RAB38: variants seen among roughly 807,000 people sequenced by gnomAD.
RAB38 encodes the protein ras-related protein Rab-38.
In RAB38, 15 loss-of-function variants were observed where a neutral mutation model predicts 18.4. That is an observed-to-expected ratio of 0.82 (90% CI 0.55 to 1.26). RAB38 has a LOEUF of 1.26. Ranked by LOEUF, RAB38 falls within the 50% of genes most tolerant of loss-of-function variation. The pLI is 0.00. For synonymous variants in RAB38, 101 were observed against 104.4 expected, an observed-to-expected ratio of 0.97 and a Z score of 0.20; for missense variants, 294 against 267.4, an observed-to-expected ratio of 1.10 and a Z score of -0.69.
chr11:87,846,662 CAAAG>C, the RAB38 span, among the ~76,000 whole-genome samples: 396 of 152,060 alleles, frequency 2.6e-3, 12 homozygotes, highest in Admixed American at 0.024. Context: ...TCAGTAAAGA[CAAAG>C]AAGATCTCAA....
At chr11:87,977,950 A>G in the RAB38 span, among the ~76,000 whole-genome samples, 10,240 of 108,538 alleles carry the variant, frequency 0.094, 1,141 homozygotes, top group East Asian at 0.33. Flanking sequence ...ATATATTAAT[A>G]TAATATATAA....
chr11:88,047,630 T>C, the RAB38 span, among the ~76,000 whole-genome samples: 4,519 of 152,320 alleles, frequency 0.03, 77 homozygotes, highest in Non-Finnish European at 0.048. Flanking sequence ...CCTCTATCAT[T>C]AATGCCTCTT....
At chr11:88,076,826 G>A in the RAB38 span, among the ~76,000 whole-genome samples, 2 of 149,880 alleles carry the variant, frequency 1.3e-5, no homozygotes, top group South Asian at 4.2e-4. Context: ...GGGAGTGGTT[G>A]TGCAAGCCTA....
At chr11:87,923,204 G>T in the RAB38 span, among the ~76,000 whole-genome samples, 14 of 151,936 alleles carry the variant, frequency 9.2e-5, no homozygotes, top group South Asian at 2.1e-3. Flanking sequence ...AGTTATATTT[G>T]CTACTTTGTT....
chr11:88,015,929 T>C, the RAB38 span, among the ~76,000 whole-genome samples: 1 of 152,140 alleles, frequency 6.6e-6, no homozygotes, highest in Admixed American at 6.6e-5. Context: ...GCATCAGAGA[T>C]AGAGATCCTT....
At chr11:88,139,861 A>G (rs929524399) in intron 2 of RAB38, among the ~76,000 whole-genome samples, 1 of 152,232 alleles carries the variant, frequency 6.6e-6, no homozygotes, top group South Asian at 2.1e-4. Context: ...GGTCTCACCA[A>G]TGAAAATAAT....
chr11:88,121,841 C>T (rs562280164), intron 2 of RAB38, among the ~76,000 whole-genome samples: 2 of 151,650 alleles, frequency 1.3e-5, no homozygotes, highest in Non-Finnish European at 2.9e-5. Context: ...GGATTACAGG[C>T]GTGAGCTGCC....
chr11:88,034,436 C>T, the RAB38 span, among the ~76,000 whole-genome samples: 1 of 152,322 alleles, frequency 6.6e-6, no homozygotes, highest in East Asian at 1.9e-4. Flanking sequence ...CTACTATTTT[C>T]AAGAGTGGCT....
At chr11:87,928,923 T>G in the RAB38 span, among the ~76,000 whole-genome samples, 1 of 152,128 alleles carries the variant, frequency 6.6e-6, no homozygotes, top group Non-Finnish European at 1.5e-5. Flanking sequence ...AAGACCAGCC[T>G]GACCAACATG....
chr11:87,896,280 C>T, the RAB38 span, among the ~76,000 whole-genome samples: 1 of 151,654 alleles, frequency 6.6e-6, no homozygotes, highest in Non-Finnish European at 1.5e-5. Context: ...GGCCATTCAA[C>T]CCTTCCCCAG....
the RAB38 span, among the ~76,000 whole-genome samples, chr11:87,835,960 A>G: frequency 1.2e-4 from 18 of 152,290 alleles, no homozygotes; most frequent in African/African-American, 4.3e-4. Flanking sequence ...TTTTCTTCTC[A>G]GCATTAGAAT....
At chr11:87,956,881 C>G in the RAB38 span, among the ~76,000 whole-genome samples, 2 of 151,890 alleles carry the variant, frequency 1.3e-5, no homozygotes, top group Non-Finnish European at 2.9e-5. Flanking sequence ...CTCCCCCCAC[C>G]TTCAGTTTAT....
chr11:87,944,379 C>A, the RAB38 span, among the ~76,000 whole-genome samples: 1 of 152,134 alleles, frequency 6.6e-6, no homozygotes, highest in East Asian at 1.9e-4. Flanking sequence ...GAGATTTACA[C>A]AATGCCAACC....
chr11:87,944,425 T>A, the RAB38 span, among the ~76,000 whole-genome samples: 2 of 152,120 alleles, frequency 1.3e-5, no homozygotes, highest in Non-Finnish European at 2.9e-5. Flanking sequence ...GTGGTCATTG[T>A]CTCTTGTCCA....
At chr11:88,031,513 T>C in the RAB38 span, among the ~76,000 whole-genome samples, 1 of 152,140 alleles carries the variant, frequency 6.6e-6, no homozygotes, top group African/African-American at 2.4e-5. Flanking sequence ...CTTAAGCTGA[T>C]AAGCAACTTC....
At chr11:88,148,890 T>G (rs1050672097) in intron 2 of RAB38, among the ~76,000 whole-genome samples, 2 of 152,208 alleles carry the variant, frequency 1.3e-5, no homozygotes, top group Admixed American at 1.3e-4. Context: ...GTTATGGTTT[T>G]TTATGGATTT....
intron 1 of RAB38, among the ~76,000 whole-genome samples, chr11:88,154,883 A>C (rs4753007): frequency 0.25 from 37,476 of 152,066 alleles, 4,661 homozygotes; most frequent in Admixed American, 0.27. Context: ...CCAGGCAAAT[A>C]TCCAGCCATT....
chr11:88,041,652 T>C, the RAB38 span, among the ~76,000 whole-genome samples: 1,007 of 152,330 alleles, frequency 6.6e-3, 13 homozygotes, highest in African/African-American at 0.023. Context: ...AGCACATGCC[T>C]AGCCCGTGAA....
chr11:87,820,274 G>C, the RAB38 span, among the ~76,000 whole-genome samples: 149 of 152,284 alleles, frequency 9.8e-4, no homozygotes, highest in African/African-American at 3.5e-3. Flanking sequence ...AGGAAACCAA[G>C]TAGATTTCTC....
Sources: allele counts gnomAD v4.1 joint callset (sites outside exome capture counted in the v4.1 genomes callset), GRCh38; gene constraint gnomAD v4.1.1; transcripts MANE v1.5; gene names NCBI Gene and HGNC (gene_info 2026-07-23, HGNC 2026-07-21).